UBR2: variants seen among roughly 807,000 people sequenced by gnomAD.
The protein encoded by UBR2 is ubiquitin protein ligase E3 component n-recognin 2, also known as E3 ubiquitin-protein ligase UBR2.
In UBR2, 92 loss-of-function variants were observed where a neutral mutation model predicts 247.9. The observed-to-expected ratio is 0.37, with a 90% confidence interval of 0.31 to 0.44. UBR2 has a LOEUF of 0.44. Among genes scored for constraint, UBR2 ranks in the 20% least tolerant of loss-of-function variants. UBR2 has a pLI of 1.00. For missense variants in UBR2, 1,613 were observed against 2,112.6 expected (o/e 0.76, Z 4.64); for synonymous variants, 672 against 693.5 (o/e 0.97, Z 0.49).
chr6:42,669,522 GT>G lies in UBR2; in HGVS notation c.3882-566del, dbSNP rs535395367. The stretch of plus-strand genomic sequence containing the variant: ...TTTTTTTGCTTTCTACATTGTCTCT[GT>G]TTTCCCTGAGTTCTGTTTCTCTGCT... On this transcript the variant is annotated intron_variant, in intron 34 of 46. Transcript: ENST00000372901. Among the ~76,000 whole-genome samples the G allele has an allele frequency of 9.2e-5, 14 of 152,050 alleles. No homozygotes were observed. The East Asian group carries it at 2.7e-3, about 29-fold the overall frequency.
chr6:42,681,782 G>T (rs1799070541), intron 42 of UBR2, among the ~76,000 whole-genome samples: 1 of 152,150 alleles, frequency 6.6e-6, no homozygotes, highest in Non-Finnish European at 1.5e-5. Flanking sequence ...CAGGAACTCA[G>T]ATCAATATTA....
chr6:42,639,422 G>T lies in UBR2; in HGVS notation c.1859-787G>T, dbSNP rs575398385. Among the ~76,000 whole-genome samples, 4 of 152,226 alleles carry T rather than the reference G, an allele frequency of 2.6e-5. No homozygotes were observed. In the South Asian group the frequency reaches 6.2e-4, roughly 24 times the overall value. On this transcript the variant is annotated intron_variant, in intron 15 of 46. Transcript: ENST00000372901. The stretch of plus-strand genomic sequence containing the variant: ...AGCCTGGCCAACATGGCAAAACCCC[G>T]TCTCTACTAAAAATAAAAAAATTAG...
chr6:42,649,153 G>A (rs552182042), intron 22 of UBR2, among the ~76,000 whole-genome samples: 4 of 151,974 alleles, frequency 2.6e-5, no homozygotes, highest in East Asian at 1.9e-4. Context: ...GATTACAGGC[G>A]CCCGCCACCA....
At chr6:42,593,359 A>T (rs919495260) in intron 3 of UBR2, among the ~76,000 whole-genome samples, 13 of 152,110 alleles carry the variant, frequency 8.5e-5, no homozygotes, top group African/African-American at 2.9e-4. Context: ...TTCTTGGCAT[A>T]TATCTTTGCA....
intron 1 of UBR2, 89 bp from the exon 2 acceptor site, chr6:42,573,645 A>C (rs1791307860): frequency 7.4e-7 from 1 of 1,349,146 alleles, no homozygotes; most frequent in Admixed American, 2.8e-5. Flanking sequence ...TTTTGTCATT[A>C]TTTTTGTACC....
intron 1 of UBR2, among the ~76,000 whole-genome samples, chr6:42,571,242 CAAAAAA>C (rs774925925): frequency 3.3e-4 from 13 of 39,138 alleles, no homozygotes; most frequent in African/African-American, 1.2e-3. Flanking sequence ...GACTCCGTCT[CAAAAAA>C]AAAAAAAAAA....
chr6:42,576,807 C>T (rs906737646), intron 2 of UBR2, among the ~76,000 whole-genome samples: 29 of 152,250 alleles, frequency 1.9e-4, no homozygotes, highest in Admixed American at 1.1e-3. Flanking sequence ...AGGCCTGAGC[C>T]ACCGTGCCCG....
intron 11 of UBR2, 69 bp downstream of exon 11, chr6:42,617,576 T>C: frequency 7.6e-7 from 1 of 1,314,966 alleles, no homozygotes; most frequent in Non-Finnish European, 1.1e-6. Context: ...AATAGAGAAC[T>C]AAAGTCTGTA....
At chr6:42,607,718 T>TG (rs1363413023) in intron 7 of UBR2, among the ~76,000 whole-genome samples, 2 of 147,816 alleles carry the variant, frequency 1.4e-5, no homozygotes. Context: ...AGCTGTTTTT[T>TG]TTTTTTTTTT....
chr6:42,670,004 C>T, intron 34 of UBR2, 88 bp from the exon 35 acceptor site: 1 of 1,470,168 alleles, frequency 6.8e-7, no homozygotes, highest in African/African-American at 1.4e-5. Flanking sequence ...GGTTCAATTT[C>T]AATATAGCAA....
intron 2 of UBR2, among the ~76,000 whole-genome samples, chr6:42,583,584 C>T (rs557285918): frequency 3.3e-5 from 5 of 151,482 alleles, no homozygotes; most frequent in African/African-American, 4.9e-5. Flanking sequence ...TGCAGTGGCA[C>T]GATCTCAGCT....
intron 1 of UBR2, among the ~76,000 whole-genome samples, chr6:42,566,470 C>T (rs2146412): frequency 0.45 from 67,910 of 152,052 alleles, 15,250 homozygotes; most frequent in African/African-American, 0.51. Flanking sequence ...CTGCAACCTC[C>T]GCCTCCGGGG....
chr6:42,586,116 G>T (rs1258542060), intron 2 of UBR2, among the ~76,000 whole-genome samples: 1 of 151,984 alleles, frequency 6.6e-6, no homozygotes, highest in Non-Finnish European at 1.5e-5. Flanking sequence ...TGTAATCCTG[G>T]CACTTTGGAG....
At position 42,637,066 on chromosome 6, in the gene UBR2, A is replaced by C. The variant is rs756153091; in HGVS notation, c.1730A>C (p.His577Pro). Residue 577 changes from histidine (H) to proline (P), a missense_variant, in exon 15 of 47, where the codon CAT (histidine) becomes CCT (proline). Physicochemically the swap from His to Pro is moderately conservative, Grantham distance 77. This residue lies in a region of UBR2 where 1,524 missense variants were observed against 1,967.3 expected (regional missense o/e 0.77). Transcript: ENST00000372901. ...TGTCTCGCTGTACTGATGCAGTGTC[A>C]TGGTGGTTATACTGATGGTGAACAG... ...KKCLAVLMQC[H>P]GGYTDGEQPI... 6.2e-7 allele frequency: 1 copy of C among 1,614,092 alleles called. No homozygotes were observed. Among genetic ancestry groups the C allele is most frequent in the South Asian group, 1.1e-5 (1 of 91,068 alleles).
intron 2 of UBR2, among the ~76,000 whole-genome samples, chr6:42,581,317 G>A (rs112815944): frequency 0.022 from 3,320 of 152,046 alleles, 110 homozygotes; most frequent in African/African-American, 0.075. Context: ...AGCCTCCTGA[G>A]TAGCTGGGAT....
chr6:42,646,436 A>G (rs1254527273), intron 21 of UBR2, among the ~76,000 whole-genome samples: 1 of 152,216 alleles, frequency 6.6e-6, no homozygotes, highest in Non-Finnish European at 1.5e-5. Flanking sequence ...GGTTTCATCT[A>G]TACCCAACCA....
At chr6:42,651,691 G>A (rs1263268874) in intron 23 of UBR2, among the ~76,000 whole-genome samples, 2 of 151,972 alleles carry the variant, frequency 1.3e-5, no homozygotes, top group Non-Finnish European at 2.9e-5. Flanking sequence ...GGGATTCTCC[G>A]CGTTGGCCAG....
chr6:42,654,527 C>T (rs1456989596), intron 25 of UBR2, among the ~76,000 whole-genome samples: 2 of 152,072 alleles, frequency 1.3e-5, no homozygotes, highest in Admixed American at 6.6e-5. Flanking sequence ...GAGTTCAAGA[C>T]CAGCCTGTAC....
At chr6:42,684,925 C>T in intron 44 of UBR2, 54 bp downstream of exon 44, 1 of 1,439,742 alleles carries the variant, frequency 6.9e-7, no homozygotes, top group South Asian at 1.2e-5. Flanking sequence ...CACCTCTCTA[C>T]AAAGAATTTG....
Sources: gnomAD v4.1 joint callset for allele counts (sites outside exome capture counted in the v4.1 genomes callset) on GRCh38, gnomAD v4.1.1 for gene constraint, gnomAD v4.1.1 regional missense constraint, MANE v1.5 for transcripts, NCBI Gene and HGNC (gene_info 2026-07-23, HGNC 2026-07-21) for gene names.